ASAH1: variants seen among roughly 807,000 people sequenced by gnomAD.
The protein encoded by ASAH1 is N-acylsphingosine amidohydrolase 1.
A neutral mutation model predicts 59.5 loss-of-function variants in ASAH1; 70 were observed. The observed-to-expected ratio is 1.18, with a 90% CI of 0.97 to 1.43. ASAH1 has a LOEUF of 1.43. Among genes scored for constraint, ASAH1 ranks in the 40% most tolerant of loss-of-function variants. ASAH1 has a pLI of 0.00. For synonymous variants in ASAH1, 213 were observed against 166.5 expected (o/e 1.28, Z -2.15); for missense variants, 660 against 482.5 (o/e 1.37, Z -3.45).
chr8:18,083,020 A>G (rs1800721901), intron 1 of ASAH1: 1 of 152,190 alleles, frequency 6.6e-6, no homozygotes, highest in South Asian at 2.1e-4. Flanking sequence ...CATTATATCA[A>G]TTTTAATGGC....
chr8:18,062,552 T>C (rs985034577), intron 7 of ASAH1, 129 bp from the exon 8 acceptor site: 1 of 1,027,726 alleles, frequency 9.7e-7, no homozygotes, highest in Admixed American at 1.9e-5. Context: ...TAACAAGACC[T>C]TTACAATATG....
chr8:18,064,587 ATTTGT>A (rs1317536868), intron 5 of ASAH1, 56 bp from the exon 6 acceptor site: 3 of 1,036,786 alleles, frequency 2.9e-6, no homozygotes, highest in Non-Finnish European at 4.4e-6. Context: ...TGGGAGAAAA[ATTTGT>A]TTTAAGAAAA....
Position 18,057,487 on chromosome 8 carries a change from G to T in ASAH1, c.*47C>A, listed in dbSNP as rs1799518651. 1 of 1,412,628 alleles carries T rather than the reference G, an allele frequency of 7.1e-7. No homozygotes were observed. Among genetic ancestry groups the T allele is most frequent in the Non-Finnish European group, 9.9e-7 (1 of 1,008,680 alleles). The allele number at this position is 1,412,628 out of a possible 1,614,324, so 87.5% of individuals were successfully genotyped here. A position where few individuals can be genotyped will look rare whatever the true frequency, so the allele number is the denominator to read the frequency against. ...CTGCAGTGTTCGGTCACATGGAGAT[G>T]GTGTCTTCATGTCTCAGAGGCCGCA... On this transcript the variant is annotated 3_prime_UTR_variant, in exon 14 of 14. Coordinates refer to ENST00000637790, the MANE Select transcript of ASAH1 (RefSeq NM_177924.5).
At chr8:18,065,029 T>C (rs1564541066) in intron 5 of ASAH1, 1 of 153,440 alleles carries the variant, frequency 6.5e-6, no homozygotes. Context: ...AAATGTATAA[T>C]ACTGCTATTT....
intron 4 of ASAH1, chr8:18,068,157 T>G (rs1320473738): frequency 2.0e-5 from 3 of 152,212 alleles, no homozygotes; most frequent in African/African-American, 7.2e-5. Context: ...AACCACCATA[T>G]GAAATATATA....
At chr8:18,062,530 C>G in intron 7 of ASAH1, 107 bp from the exon 8 acceptor site, 1 of 1,207,108 alleles carries the variant, frequency 8.3e-7, no homozygotes, top group Admixed American at 1.7e-5. Flanking sequence ...ACCGAGTCAC[C>G]ACGATCAATC....
chr8:18,075,055 G>C (rs575134806), intron 2 of ASAH1, among the ~76,000 whole-genome samples: 1 of 135,486 alleles, frequency 7.4e-6, no homozygotes, highest in Admixed American at 7.6e-5. Flanking sequence ...GAGTGCAGTG[G>C]TGCGATCTCG....
rs763228453 is a variant in ASAH1, at chr8:18,064,568, C to G, written c.383-37G>C. On this transcript the variant is annotated intron_variant, in intron 5 of 13. Coordinates refer to ENST00000637790, the MANE Select transcript of ASAH1 (RefSeq NM_177924.5). ...GAAAATTTTGTGTTAATATACAGAA[C>G]CATGACAATGGGAGAAAAATTTGTT... The G allele has an allele frequency of 3.3e-5, 39 of 1,170,398 alleles. No homozygotes were observed. The Middle Eastern group carries it at 6.8e-4, about 20-fold the overall frequency. The allele number at this position is 1,170,398 out of a possible 1,614,324, so 72.5% of individuals were successfully genotyped here. A position where few individuals can be genotyped will look rare whatever the true frequency, so the allele number is the denominator to read the frequency against.
intron 2 of ASAH1, chr8:18,073,260 TAAC>T (rs771458302): frequency 3.2e-6 from 5 of 1,580,808 alleles, no homozygotes; most frequent in Non-Finnish European, 4.3e-6. Context: ...ATCCACCTTA[TAAC>T]AGCAGGGAAG....
chr8:18,061,968 T>C (rs1799721799), intron 8 of ASAH1: 1 of 626,778 alleles, frequency 1.6e-6, no homozygotes, highest in Non-Finnish European at 2.8e-6. Context: ...GACAGGAAAC[T>C]GAAGGGCAGA....
rs749976481 is a variant in ASAH1 at position 18,061,358 on chromosome 8, A to T, written c.785+19T>A. On this transcript the variant is annotated intron_variant, in intron 10 of 13. Coordinates refer to ENST00000637790, the MANE Select transcript of ASAH1 (RefSeq NM_177924.5). ...AATTTAAAATAAATATTTAATAGTA[A>T]AGCAACGAAACACTTTACCTTGTGC... 3.2e-6 allele frequency: 5 copies of T among 1,586,340 alleles called. No homozygotes were observed. In the East Asian group the frequency reaches 1.1e-4, roughly 35 times the overall value.
chr8:18,084,722 G>C, upstream of ASAH1: 2 of 1,613,784 alleles, frequency 1.2e-6, no homozygotes, highest in South Asian at 1.1e-5. Context: ...TGAGGCCTCG[G>C]TGAAAAGCGC....
rs2117011623 is a variant in ASAH1, at chr8:18,057,638, A to G, written c.1099-15T>C. 2 of 1,575,776 alleles carry G rather than the reference A, an allele frequency of 1.3e-6. No individual in the cohort carries two copies. The highest frequency in any genetic ancestry group is 8.7e-7 in the Non-Finnish European group (1 of 1,152,808). On this transcript the variant is annotated splice_polypyrimidine_tract_variant and intron_variant, in intron 13 of 13. Coordinates refer to ENST00000637790, the MANE Select transcript of ASAH1 (RefSeq NM_177924.5). ...TATACGGTCAGCTGAAAGAAAAGTT[A>G]TTTTTACTTTAAGGACGTTTTCAAT...
At chr8:18,061,606 TTG>T in intron 9 of ASAH1, 78 bp downstream of exon 9, 1 of 1,512,940 alleles carries the variant, frequency 6.6e-7, no homozygotes, top group African/African-American at 1.4e-5. Context: ...AGGTTGGACT[TTG>T]TAACCAGAAG....
At chr8:18,060,365 A>G (rs992515134) in intron 10 of ASAH1, 2 of 152,978 alleles carry the variant, frequency 1.3e-5, no homozygotes, top group Non-Finnish European at 2.9e-5. Context: ...TATGGTGAAC[A>G]CTGAGATGGG....
At chr8:18,066,199 G>C (rs1480174568) in intron 5 of ASAH1, 1 of 151,940 alleles carries the variant, frequency 6.6e-6, no homozygotes, top group Non-Finnish European at 1.5e-5. Flanking sequence ...ACTCATAAAA[G>C]AGAAGACTGA....
At chr8:18,075,804 T>A in intron 1 of ASAH1, 1 of 581,242 alleles carries the variant, frequency 1.7e-6, no homozygotes, top group Non-Finnish European at 3.1e-6. Flanking sequence ...TTTGTAAAAG[T>A]GCTAGGTGTT....
chr8:18,073,556 G>A (rs1208828631), intron 2 of ASAH1, among the ~76,000 whole-genome samples: 1 of 152,204 alleles, frequency 6.6e-6, no homozygotes, highest in Non-Finnish European at 1.5e-5. Context: ...CAGTGGGAAA[G>A]AAATGCTGAA....
chr8:18,083,253 G>A (rs1015056156), intron 1 of ASAH1: 1 of 152,314 alleles, frequency 6.6e-6, no homozygotes, highest in Admixed American at 6.5e-5. Context: ...AGAGTACTGG[G>A]CGTCAAGAGG....
Sources: gnomAD v4.1 joint callset for allele counts (sites outside exome capture counted in the v4.1 genomes callset) on GRCh38, gnomAD v4.1.1 for gene constraint, MANE v1.5 for transcripts, NCBI Gene and HGNC (gene_info 2026-07-23, HGNC 2026-07-21) for gene names.